Variants in CRAT observed in about 807,000 individuals in gnomAD.
CRAT encodes the protein carnitine O-acetyltransferase.
In CRAT, 66 loss-of-function variants were observed where a neutral mutation model predicts 73.7. That is an observed-to-expected ratio of 0.90 (90% CI 0.73 to 1.10). The LOEUF (loss-of-function observed/expected upper bound fraction) is 1.10, where lower values mean the gene tolerates loss of function less well. CRAT is among the 50% of genes least tolerant of loss of function. The pLI, the probability that CRAT is intolerant of heterozygous loss-of-function variation, is 0.00. For missense variants in CRAT, 745 were observed against 846.9 expected (o/e 0.88, Z 1.49); for synonymous variants, 321 against 343.2 (o/e 0.94, Z 0.71).
rs773127913 is a variant in CRAT at position 129,103,940 on chromosome 9, TGTG to T, written c.410+245_410+247del. On this transcript the variant is annotated intron_variant, in intron 3 of 13. Transcript: ENST00000318080. The surrounding 1 kb of genome is among the most constrained non-coding windows in gnomAD (Gnocchi z 4.6). Reference sequence around the variant, plus strand: ...GAGGAGGATGGGGCCTCTGCGAAGATGTGGTGGTTAACAGCCATGAGGCTTTAG... The same window carrying T: ...GAGGAGGATGGGGCCTCTGCGAAGATGTGGTTAACAGCCATGAGGCTTTAG... Among the ~76,000 whole-genome samples, 10 of 152,144 alleles carry T rather than the reference TGTG, an allele frequency of 6.6e-5. No individual in the cohort carries two copies. Among genetic ancestry groups the T allele is most frequent in the South Asian group, 2.1e-4 (1 of 4,820 alleles).
In CRAT at chr9:129,098,595, G is replaced by A. The variant is rs780864254; in HGVS notation, c.1141C>T (p.Leu381=). The A allele has an allele frequency of 2.5e-6, 4 of 1,599,340 alleles. No homozygotes were observed. The highest frequency in any genetic ancestry group is 2.3e-5 in the South Asian group (2 of 88,730). Residue 381 remains leucine, a synonymous_variant, in exon 9 of 14, where the codon CTG becomes TTG. Transcript: ENST00000318080. ...PLVPLPMPKK[L]RFNITPEIKS... is the part of the protein sequence containing the mutation. ...ATCTCGGGGGTGATGTTGAACCGCA[G>A]CTTCTTGGGCATGGGCAGGGGCACC...
chr9:129,109,046 A>G, intron 1 of CRAT: 1 of 1,241,942 alleles, frequency 8.1e-7, no homozygotes, highest in Non-Finnish European at 1.0e-6. Context: ...TCCCAGAAGT[A>G]GAGGAATGGG....
chr9:129,108,527 C>G, intron 1 of CRAT: 3 of 1,161,134 alleles, frequency 2.6e-6, no homozygotes, highest in Non-Finnish European at 3.3e-6. Context: ...CACAGAGAGC[C>G]AGACAATGGC....
rs542127673 is a variant in CRAT at position 129,106,017 on chromosome 9, C to T, written c.292-1711G>A. ...TACAGCTTTCTCTGGCCTTCCACCC[C>T]CAGAGACCTGGGCCCACCTGCGCCC... On this transcript the variant is annotated intron_variant, in intron 2 of 13. Transcript: ENST00000318080. This position sits in a 1 kb window ranked among gnomAD's most constrained non-coding sequence, Gnocchi z 4.0. Among the ~76,000 whole-genome samples, 1 of 152,284 alleles carries T rather than the reference C, an allele frequency of 6.6e-6. No homozygotes were observed. Among genetic ancestry groups the T allele is most frequent in the East Asian group, 1.9e-4 (1 of 5,186 alleles).
intron 6 of CRAT, among the ~76,000 whole-genome samples, chr9:129,101,082 G>T (rs567516601): frequency 6.6e-6 from 1 of 151,322 alleles, no homozygotes; most frequent in Non-Finnish European, 1.5e-5. Flanking sequence ...GGGGGCACAG[G>T]GGGTGTGGAG....
At position 129,107,625 on chromosome 9, in the gene CRAT, G is replaced by T; in HGVS notation, c.291+189C>A. ...CATTACCTTTCTCTCCTCCCTACTT[G>T]AATGTTAGCTCCAAGGAGCTGGTGA... On this transcript the variant is annotated intron_variant, in intron 2 of 13. Coordinates refer to ENST00000318080, the MANE Select transcript of CRAT (RefSeq NM_000755.5). This position sits in a 1 kb window ranked among gnomAD's most constrained non-coding sequence, Gnocchi z 5.0. 1 of 791,810 alleles carries T rather than the reference G, an allele frequency of 1.3e-6. No individual in the cohort carries two copies. The highest frequency in any genetic ancestry group is 1.4e-5 in the South Asian group (1 of 69,058). The allele number at this position is 791,810 out of a possible 1,614,324, so 49.0% of individuals were successfully genotyped here.
At chr9:129,108,484 C>T (rs770588603) in intron 1 of CRAT, 112 of 1,160,198 alleles carry the variant, frequency 9.7e-5, no homozygotes, top group Middle Eastern at 7.9e-4. Context: ...CCACCCTTTC[C>T]AGGTTGAGAA....
chr9:129,104,631 G>T (rs1233470782), intron 2 of CRAT, among the ~76,000 whole-genome samples: 45 of 151,288 alleles, frequency 3.0e-4, no homozygotes, highest in African/African-American at 1.1e-3. Context: ...TTGAGACAGG[G>T]TCTCGCTGTG....
chr9:129,100,465 T>C, intron 7 of CRAT, 46 bp downstream of exon 7: 2 of 1,571,056 alleles, frequency 1.3e-6, no homozygotes, highest in South Asian at 1.2e-5. Context: ...GCTGCAGAGG[T>C]CCTGTTCAGG....
chr9:129,096,270 G>A, intron 12 of CRAT, 135 bp from the exon 13 acceptor site: 1 of 1,160,932 alleles, frequency 8.6e-7, no homozygotes, highest in Non-Finnish European at 1.2e-6. Context: ...ATTCTGGCCA[G>A]AGAGAGCCTT....
chr9:129,095,944 C>A (rs1306506580), intron 13 of CRAT, 54 bp downstream of exon 13: 1 of 1,610,596 alleles, frequency 6.2e-7, no homozygotes, highest in African/African-American at 1.3e-5. Context: ...CCACATCAAA[C>A]TACCAGTGGG....
rs1354945499 is a variant in CRAT at position 129,106,040 on chromosome 9, C to T, written c.292-1734G>A. Among the ~76,000 whole-genome samples, 1 of 152,174 alleles carries T rather than the reference C, an allele frequency of 6.6e-6. No individual in the cohort carries two copies. The highest frequency in any genetic ancestry group is 2.4e-5 in the African/African-American group (1 of 41,430). ...CCCCAGAGACCTGGGCCCACCTGCG[C>T]CCCCTCAACCCGTGGTGAACAGCAG... On this transcript the variant is annotated intron_variant, in intron 2 of 13. Coordinates refer to ENST00000318080, the MANE Select transcript of CRAT (RefSeq NM_000755.5). The surrounding 1 kb of genome is among the most constrained non-coding windows in gnomAD (Gnocchi z 4.0).
chr9:129,102,666 T>C (rs752372415), intron 4 of CRAT, 101 bp from the exon 5 acceptor site: 75 of 1,368,532 alleles, frequency 5.5e-5, no homozygotes, highest in Non-Finnish European at 7.0e-5. Context: ...GCTCACACAG[T>C]GTCCCTGCTC....
At position 129,103,121 on chromosome 9, in the gene CRAT, G is replaced by A. The variant is rs1234062879; in HGVS notation, c.411-55C>T. On this transcript the variant is annotated intron_variant, in intron 3 of 13. Coordinates refer to ENST00000318080, the MANE Select transcript of CRAT (RefSeq NM_000755.5). This position sits in a 1 kb window ranked among gnomAD's most constrained non-coding sequence, Gnocchi z 4.6. ...GCGTGGACACCCTGAGGGAGGCCCC[G>A]GGCTAGGGACACCTGCTTGGGGAGC... 4.7e-6 allele frequency: 7 copies of A among 1,481,190 alleles called. No individual in the cohort carries two copies. The highest frequency in any genetic ancestry group is 1.7e-4 in the Middle Eastern group (1 of 5,840). The allele number at this position is 1,481,190 out of a possible 1,614,324, so 91.8% of individuals were successfully genotyped here.
At chr9:129,097,385 C>G (rs929240694) in intron 11 of CRAT, 73 bp from the exon 12 acceptor site, 10 of 1,180,990 alleles carry the variant, frequency 8.5e-6, no homozygotes, top group African/African-American at 6.1e-5. Flanking sequence ...AGCCCACCCC[C>G]ACCCAGCACT....
chr9:129,102,340 C>T (rs563097715), intron 5 of CRAT, 60 bp downstream of exon 5: 12 of 1,602,096 alleles, frequency 7.5e-6, no homozygotes, highest in East Asian at 6.7e-5. Flanking sequence ...CGACTGCGGC[C>T]GTCCGGCTGT....
Position 129,097,251 on chromosome 9 carries a change from C to A in CRAT, c.1526G>T (p.Arg509Leu), listed in dbSNP as rs752905722. ...AVQAHRGYTD[R>L]AIRGEAFDRH... ...GTAGGCACAAGCGGGCTCACTTACCCGGTCGGTGTAGCCTCGGTGGGCCTG... is the reference window on the plus strand; with the variant it reads ...GTAGGCACAAGCGGGCTCACTTACCAGGTCGGTGTAGCCTCGGTGGGCCTG... Residue 509 changes from arginine to leucine, a missense_variant and splice_region_variant, in exon 12 of 14, where the codon CGG (arginine) becomes CTG (leucine). Arg to Leu is a moderately radical substitution (Grantham distance 102). Transcript: ENST00000318080. 16 of 1,557,930 alleles carry A rather than the reference C, an allele frequency of 1.0e-5. No homozygotes were observed. Among genetic ancestry groups the A allele is most frequent in the East Asian group, 4.7e-5 (2 of 42,460 alleles).
intron 1 of CRAT, chr9:129,109,313 G>A: frequency 7.7e-7 from 1 of 1,295,304 alleles, no homozygotes; most frequent in South Asian, 1.2e-5. Context: ...GCAGACACCA[G>A]GAAAAGGCCA....
rs939905492 is a variant in CRAT at position 129,100,608 on chromosome 9, G to A, written c.887C>T (p.Ser296Leu). 9 of 1,613,980 alleles carry A rather than the reference G, an allele frequency of 5.6e-6. No individual in the cohort carries two copies. The highest frequency in any genetic ancestry group is 1.3e-5 in the African/African-American group (1 of 74,932). The stretch of plus-strand genomic sequence containing the variant: ...CACGTGGCTGCGGTACACGTCTTCT[G>A]AGACCCTGGGCATGGTTGCATCTAG... ...VCLDATMPRV[S>L]EDVYRSHVAG... Residue 296 changes from serine (S) to leucine (L), a missense_variant, in exon 7 of 14, where the codon TCA becomes TTA. By Grantham distance (145) the Ser-to-Leu change is moderately radical. Coordinates refer to ENST00000318080, the MANE Select transcript of CRAT (RefSeq NM_000755.5).
Sources: gnomAD v4.1 joint callset for allele counts (sites outside exome capture counted in the v4.1 genomes callset) on GRCh38, gnomAD v4.1.1 for gene constraint, Gnocchi (gnomAD v3.1) non-coding constraint, MANE v1.5 for transcripts, NCBI Gene and HGNC (gene_info 2026-07-23, HGNC 2026-07-21) for gene names.